Variants in MON2 observed in about 807,000 individuals in gnomAD.
MON2 encodes the protein protein MON2 homolog.
Under a neutral mutation model 208.6 loss-of-function variants are expected in MON2, and 84 were observed. The observed-to-expected ratio is 0.40, with a 90% CI of 0.34 to 0.48. The LOEUF is 0.48. Ranked by LOEUF, MON2 falls within the 20% of genes least tolerant of loss-of-function variation. The pLI is 0.59. For synonymous variants in MON2, 660 were observed against 694.0 expected, an observed-to-expected ratio of 0.95 and a Z score of 0.77; for missense variants, 1,611 against 2,015.4, an observed-to-expected ratio of 0.80 and a Z score of 3.84.
chr12:62,522,591 A>G (rs1333182314), intron 8 of MON2, among the ~76,000 whole-genome samples: 1 of 152,200 alleles, frequency 6.6e-6, no homozygotes, highest in Non-Finnish European at 1.5e-5. Context: ...AACATTCATC[A>G]CCCTTCATGT....
chr12:62,512,152 T>C (rs1235038128), intron 8 of MON2, among the ~76,000 whole-genome samples: 1 of 152,110 alleles, frequency 6.6e-6, no homozygotes, highest in Admixed American at 6.6e-5. Flanking sequence ...AACCATATCA[T>C]TCCGCCCCTG....
chr12:62,515,807 C>T (rs182637686), intron 8 of MON2, among the ~76,000 whole-genome samples: 3 of 151,656 alleles, frequency 2.0e-5, no homozygotes, highest in African/African-American at 7.3e-5. Flanking sequence ...AAGAGCAAGA[C>T]TCCGTCTCAG....
intron 1 of MON2, among the ~76,000 whole-genome samples, chr12:62,474,087 G>A (rs191111164): frequency 8.6e-5 from 13 of 150,768 alleles, no homozygotes; most frequent in East Asian, 7.8e-4. Context: ...TTTCACATGC[G>A]TCAGTAGAAC....
chr12:62,555,279 A>G (rs1283119000), intron 24 of MON2, among the ~76,000 whole-genome samples: 2 of 151,872 alleles, frequency 1.3e-5, no homozygotes, highest in Non-Finnish European at 2.9e-5. Flanking sequence ...CTGGGGGCTC[A>G]GGTGATCCTC....
chr12:62,507,931 G>T (rs1314434061), intron 7 of MON2, among the ~76,000 whole-genome samples: 1 of 151,950 alleles, frequency 6.6e-6, no homozygotes, highest in Non-Finnish European at 1.5e-5. Flanking sequence ...ACCATACCTG[G>T]CTAATTTTTT....
Position 62,571,482 on chromosome 12 carries a change from A to G in MON2, c.4414A>G (p.Ile1472Val), listed in dbSNP as rs1489489520. Residue 1472 changes from isoleucine (I) to valine (V), a missense_variant, in exon 30 of 35, where the codon ATT (isoleucine) becomes GTT (valine). Physicochemically the swap from Ile to Val is conservative, Grantham distance 29. Coordinates refer to ENST00000393630, the MANE Select transcript of MON2 (RefSeq NM_015026.3). ...AVSSLLRVLS[I>V]GLPVARQHAS... is the part of the protein sequence containing the mutation. ...ATCCTCTCTCCTCAGAGTTCTTTCT[A>G]TTGGGCTACCTGTTGCCCGGCAGCA... is the stretch of plus-strand genomic sequence containing the variant. 6 of 1,613,902 alleles carry G rather than the reference A, an allele frequency of 3.7e-6. No individual in the cohort carries two copies. The East Asian group carries it at 1.1e-4, about 30-fold the overall frequency.
Position 62,566,334 on chromosome 12 carries a change from G to T in MON2, c.4207G>T (p.Ala1403Ser). The change falls in exon 29 of 35, where the codon GCC becomes TCC. Residue 1403 changes from alanine to serine, a missense_variant. By Grantham distance (99) the Ala-to-Ser change is moderately conservative (BLOSUM62 1). Coordinates refer to ENST00000393630, the MANE Select transcript of MON2 (RefSeq NM_015026.3). ...IQLFAPAEWV[A>S]LNYVPFAERS... ...TATTACTTTCTAGGCGGAATGGGTA[G>T]CCTTGAATTATGTGCCGTTTGCTGA... 6.2e-7 allele frequency: 1 copy of T among 1,612,036 alleles called. No homozygotes were observed. The highest frequency in any genetic ancestry group is 8.5e-7 in the Non-Finnish European group (1 of 1,179,342).
At position 62,495,961 on chromosome 12, in the gene MON2, T is replaced by G. The variant is rs111479151; in HGVS notation, c.435+814T>G. On this transcript the variant is annotated intron_variant, in intron 4 of 34. Transcript: ENST00000393630. Reference sequence around the variant, plus strand: ...TTATTTCACTTTTTAAAAAGTTTTTTATTATGAAATATTTCTAAAGAACAG... The same window carrying G: ...TTATTTCACTTTTTAAAAAGTTTTTGATTATGAAATATTTCTAAAGAACAG... Among the ~76,000 whole-genome samples the G allele has an allele frequency of 4.7e-3, 722 of 152,228 alleles. 6 individuals are homozygous for G. The highest frequency in any genetic ancestry group is 0.016 in the African/African-American group (667 of 41,564).
rs1462529053 is a variant in MON2 at position 62,588,091 on chromosome 12, T to C, written c.4925T>C (p.Ile1642Thr). ...TTTTTCAGGCAACAAGTAACAGAAA[T>C]TATATTTGTTTTAAAAGCAGTCAGT... ...CPLPRQQVTE[I>T]IFVLKAVSTL... The change falls in exon 34 of 35, where the codon ATT (isoleucine) becomes ACT (threonine). Residue 1642 changes from isoleucine (I) to threonine (T), a missense_variant. Transcript: ENST00000393630. 3.8e-6 allele frequency: 6 copies of C among 1,572,154 alleles called. No homozygotes were observed. The highest frequency in any genetic ancestry group is 4.4e-6 in the Non-Finnish European group (5 of 1,144,334).
rs138805472 is a variant in MON2 at position 62,562,656 on chromosome 12, G to A, written c.4032+1543G>A. Reference sequence around the variant, plus strand: ...TTTCCACAGATGTAAGAAAATTTTTGCACAAGCCAAATTTACTTGCTTTTG... The same window carrying A: ...TTTCCACAGATGTAAGAAAATTTTTACACAAGCCAAATTTACTTGCTTTTG... On this transcript the variant is annotated intron_variant, in intron 26 of 34. Transcript: ENST00000393630. Among the ~76,000 whole-genome samples the A allele has an allele frequency of 7.2e-3, 1,093 of 151,944 alleles. 18 individuals carry two copies. Among genetic ancestry groups the A allele is most frequent in the African/African-American group, 0.025 (1,043 of 41,470 alleles).
intron 2 of MON2, among the ~76,000 whole-genome samples, chr12:62,489,036 T>C (rs972875473): frequency 6.6e-6 from 1 of 152,096 alleles, no homozygotes. Context: ...ATAAAATTGC[T>C]GTATGATATT....
chr12:62,525,830 A>G (rs1179859409), intron 10 of MON2, 119 bp from the exon 11 acceptor site: 37 of 771,308 alleles, frequency 4.8e-5, no homozygotes, highest in Non-Finnish European at 7.3e-5. Context: ...TATTTCTGCA[A>G]TACCCATTCT....
intron 1 of MON2, among the ~76,000 whole-genome samples, chr12:62,479,961 G>T (rs753729220): frequency 6.6e-6 from 1 of 152,032 alleles, no homozygotes. Context: ...ATCTGATTGC[G>T]AAGACCTCTG....
intron 7 of MON2, among the ~76,000 whole-genome samples, chr12:62,502,663 T>A (rs939614698): frequency 6.6e-6 from 1 of 152,188 alleles, no homozygotes; most frequent in Non-Finnish European, 1.5e-5. Context: ...TTTACTTGCT[T>A]ATATATCTAG....
At chr12:62,540,551 A>G (rs928059734) in intron 19 of MON2, among the ~76,000 whole-genome samples, 4 of 152,188 alleles carry the variant, frequency 2.6e-5, no homozygotes, top group African/African-American at 9.7e-5. Flanking sequence ...AGGAGATTTG[A>G]TGATTAATCA....
intron 29 of MON2, among the ~76,000 whole-genome samples, chr12:62,570,722 C>CTTTTTTTTTTTTTTT (rs1192680038): frequency 2.8e-5 from 2 of 70,814 alleles, no homozygotes; most frequent in East Asian, 4.2e-4. Context: ...TTTTCTTTTT[C>CTTTTTTTTTTTTTTT]TTTTTTTTTT....
chr12:62,486,772 A>G (rs1255316684), intron 2 of MON2, among the ~76,000 whole-genome samples: 3 of 152,164 alleles, frequency 2.0e-5, no homozygotes, highest in African/African-American at 7.2e-5. Context: ...AGGAGACTAT[A>G]CTACTTTTGT....
intron 11 of MON2, 93 bp downstream of exon 11, chr12:62,526,195 C>T: frequency 8.6e-7 from 1 of 1,167,858 alleles, no homozygotes; most frequent in Non-Finnish European, 1.2e-6. Flanking sequence ...AAATTTTAGA[C>T]CCACTACTTC....
intron 32 of MON2, among the ~76,000 whole-genome samples, 165 bp downstream of exon 32, chr12:62,580,585 A>G (rs574497077): frequency 4.6e-5 from 7 of 152,316 alleles, no homozygotes; most frequent in South Asian, 4.1e-4. Context: ...ATGTTATGAC[A>G]TGACTATTCT....
Sources: gnomAD v4.1 joint callset for allele counts (sites outside exome capture counted in the v4.1 genomes callset) on GRCh38, gnomAD v4.1.1 for gene constraint, MANE v1.5 for transcripts, NCBI Gene and HGNC (gene_info 2026-07-23, HGNC 2026-07-21) for gene names.